TMED8: variants seen among roughly 807,000 people sequenced by gnomAD.
The protein encoded by TMED8 is protein TMED8.
Under a neutral mutation model 32.7 loss-of-function variants are expected in TMED8, and 15 were observed. The observed-to-expected ratio is 0.46, with a 90% CI of 0.31 to 0.71. The LOEUF (loss-of-function observed/expected upper bound fraction) is 0.71, where lower values mean the gene tolerates loss of function less well. Ranked by LOEUF, TMED8 falls within the 30% of genes least tolerant of loss-of-function variation. The probability of loss-of-function intolerance (pLI) is 0.06; values close to 1 mark genes in which losing one functional copy is unlikely to be tolerated. For synonymous variants in TMED8, 147 were observed against 161.4 expected (o/e 0.91, Z 0.68); for missense variants, 390 against 423.9 (o/e 0.92, Z 0.70).
At chr14:77,348,459 G>A (rs1271069948) in intron 2 of TMED8, among the ~76,000 whole-genome samples, 5 of 152,160 alleles carry the variant, frequency 3.3e-5, no homozygotes, top group African/African-American at 9.6e-5. Context: ...TCCTGACCTC[G>A]TGATCCACCC....
intron 1 of TMED8, among the ~76,000 whole-genome samples, chr14:77,372,911 TATATATATATATA>T (rs1893706762): frequency 2.3e-4 from 1 of 4,288 alleles, no homozygotes; most frequent in Non-Finnish European, 4.5e-4. Context: ...AGATATTATA[TATATATATATATA>T]TATATATATA....
chr14:77,375,367 G>C (rs914899918), intron 1 of TMED8, among the ~76,000 whole-genome samples: 2 of 152,112 alleles, frequency 1.3e-5, no homozygotes, highest in Non-Finnish European at 2.9e-5. Flanking sequence ...TATCTAAAAC[G>C]CGTGGGTACG....
At chr14:77,347,813 A>C (rs74829216) in intron 2 of TMED8, among the ~76,000 whole-genome samples, 4,096 of 152,340 alleles carry the variant, frequency 0.027, 195 homozygotes, top group African/African-American at 0.094. Flanking sequence ...AAAATAACCC[A>C]GGCCTTTTGG....
rs1892741376 is a variant in TMED8, at chr14:77,335,530, T to C, written c.*6241A>G. The stretch of plus-strand genomic sequence containing the variant: ...AAAACATGATCATCTTTCAGTCAAC[T>C]GACTGATCTGAGTACATGGCACCAA... On this transcript the variant is annotated 3_prime_UTR_variant, in exon 6 of 6. Coordinates refer to ENST00000216468, the MANE Select transcript of TMED8 (RefSeq NM_213601.3). 6.6e-6 allele frequency: 1 copy of C among 152,256 alleles called. No homozygotes were observed. The highest frequency in any genetic ancestry group is 1.5e-5 in the Non-Finnish European group (1 of 68,048). 9.4% of individuals were successfully genotyped at this position (152,256 alleles called of 1,614,324 possible).
At chr14:77,371,770 T>G (rs894686453) in intron 1 of TMED8, among the ~76,000 whole-genome samples, 1 of 152,184 alleles carries the variant, frequency 6.6e-6, no homozygotes. Flanking sequence ...AAAAGCCAAT[T>G]TTCCTATAGT....
chr14:77,371,050 G>T (rs566958587), intron 1 of TMED8, among the ~76,000 whole-genome samples: 3 of 152,152 alleles, frequency 2.0e-5, no homozygotes, highest in African/African-American at 7.2e-5. Flanking sequence ...CACATGAAAA[G>T]CTTCTTCATT....
intron 5 of TMED8, among the ~76,000 whole-genome samples, chr14:77,342,229 C>A (rs183144239): frequency 6.6e-6 from 1 of 152,206 alleles, no homozygotes; most frequent in African/African-American, 2.4e-5. Flanking sequence ...AAACAATGTC[C>A]CATCCCAAAT....
chr14:77,346,290 C>G, intron 3 of TMED8, 59 bp downstream of exon 3: 1 of 1,584,722 alleles, frequency 6.3e-7, no homozygotes, highest in Non-Finnish European at 8.6e-7. Context: ...AACCCAACCA[C>G]TATGTGTCCA....
At chr14:77,356,018 G>C (rs561522043) in intron 1 of TMED8, among the ~76,000 whole-genome samples, 1 of 152,290 alleles carries the variant, frequency 6.6e-6, no homozygotes, top group Admixed American at 6.5e-5. Context: ...TTCAAGTAAA[G>C]GGAAAGAAAA....
Position 77,374,952 on chromosome 14 carries a change from A to G in TMED8, c.118+1984T>C, listed in dbSNP as rs913625184. On this transcript the variant is annotated intron_variant, in intron 1 of 5. Transcript: ENST00000216468. ...AAAACAAACAATTATAGACTTCATC[A>G]TAACAAGATGACAATTTCATCCAGA... Among the ~76,000 whole-genome samples, 4 of 152,244 alleles carry G rather than the reference A, an allele frequency of 2.6e-5. No homozygotes were observed. In the South Asian group the frequency reaches 8.3e-4, roughly 32 times the overall value.
chr14:77,373,393 A>C (rs147850260), intron 1 of TMED8, among the ~76,000 whole-genome samples: 1,583 of 152,236 alleles, frequency 0.01, 23 homozygotes, highest in South Asian at 0.031. Context: ...AGAATGATTT[A>C]TCTCTCCTCT....
chr14:77,348,915 G>A (rs1367715231), intron 2 of TMED8, among the ~76,000 whole-genome samples: 1 of 152,130 alleles, frequency 6.6e-6, no homozygotes, highest in African/African-American at 2.4e-5. Flanking sequence ...AGTGTAAGCT[G>A]TAAACTGGCC....
chr14:77,351,810 C>A, intron 1 of TMED8, 59 bp from the exon 2 acceptor site: 4 of 1,402,848 alleles, frequency 2.9e-6, no homozygotes, highest in Non-Finnish European at 3.9e-6. Context: ...TCATAATTAT[C>A]TTGTACCTTT....
chr14:77,358,340 C>T (rs1893345056), intron 1 of TMED8, among the ~76,000 whole-genome samples: 1 of 151,152 alleles, frequency 6.6e-6, no homozygotes, highest in African/African-American at 2.4e-5. Flanking sequence ...CTTGCTCTGT[C>T]GCCCAGGCTA....
rs959760269 is a variant in TMED8, at chr14:77,337,363, A to T, written c.*4408T>A. The stretch of plus-strand genomic sequence containing the variant: ...GAAGGGGAAAATACAGCACAGATGT[A>T]TTTTCTTGAAAGATGGAGACCAAGA... On this transcript the variant is annotated 3_prime_UTR_variant, in exon 6 of 6. Transcript: ENST00000216468. 2 of 152,046 alleles carry T rather than the reference A, an allele frequency of 1.3e-5. No individual in the cohort carries two copies. The highest frequency in any genetic ancestry group is 4.8e-5 in the African/African-American group (2 of 41,352). 9.4% of individuals were successfully genotyped at this position (152,046 alleles called of 1,614,324 possible). A position where few individuals can be genotyped will look rare whatever the true frequency, so the allele number is the denominator to read the frequency against.
rs953745060 is a variant in TMED8 at position 77,336,456 on chromosome 14, T to C, written c.*5315A>G. 1.3e-5 allele frequency: 2 copies of C among 152,168 alleles called. No individual in the cohort carries two copies. The highest frequency in any genetic ancestry group is 2.9e-5 in the Non-Finnish European group (2 of 68,038). The allele number at this position is 152,168 out of a possible 1,614,324, so 9.4% of individuals were successfully genotyped here. On this transcript the variant is annotated 3_prime_UTR_variant, in exon 6 of 6. Transcript: ENST00000216468. ...TATTTGTAAATGAGCTCCACTATCA[T>C]TGGTTTTAGGCAATAGTGTTTTCTT...
intron 1 of TMED8, among the ~76,000 whole-genome samples, chr14:77,372,292 C>T (rs1673350479): frequency 6.6e-6 from 1 of 152,186 alleles, no homozygotes; most frequent in Non-Finnish European, 1.5e-5. Context: ...TTCAGACATT[C>T]TGATCATGCT....
At chr14:77,368,027 A>G (rs980732076) in intron 1 of TMED8, among the ~76,000 whole-genome samples, 24 of 152,076 alleles carry the variant, frequency 1.6e-4, no homozygotes, top group Non-Finnish European at 3.5e-4. Flanking sequence ...ACGTTATTCC[A>G]TGAATCCACC....
chr14:77,373,166 A>G (rs530095850), intron 1 of TMED8, among the ~76,000 whole-genome samples: 133 of 150,610 alleles, frequency 8.8e-4, no homozygotes, highest in Non-Finnish European at 1.4e-3. Flanking sequence ...TCTACCTTAG[A>G]ACCATGAACA....
Sources: gnomAD v4.1 joint callset for allele counts (sites outside exome capture counted in the v4.1 genomes callset) on GRCh38, gnomAD v4.1.1 for gene constraint, MANE v1.5 for transcripts, NCBI Gene and HGNC (gene_info 2026-07-23, HGNC 2026-07-21) for gene names.